The following ANO8 variants were observed in gnomAD, a reference collection of about 807,000 sequenced individuals.
ANO8 encodes the protein anoctamin 8.
In ANO8, 67 loss-of-function variants were observed where a neutral mutation model predicts 120.4. The ratio of observed to expected loss-of-function variants is 0.56; its 90% CI spans 0.46 to 0.68. ANO8 has a LOEUF of 0.68. Ranked by LOEUF, ANO8 falls within the 30% of genes least tolerant of loss-of-function variation. The pLI, the probability that ANO8 is intolerant of heterozygous loss-of-function variation, is 0.00. For missense variants in ANO8, 1,526 were observed against 1,737.6 expected (o/e 0.88, Z 2.16); for synonymous variants, 727 against 759.2 (o/e 0.96, Z 0.70).
In ANO8 at chr19:17,330,244, A is replaced by G; in HGVS notation, c.1154T>C (p.Val385Ala). ...ACGGGGCAACCCCTTCACGCTCAGC[A>G]CCAGCTCCTGCGGGAGAAGGGGGTT... The part of the protein sequence containing the change: ...MLGCFQLQEL[V>A]LSVKGLPRLA... The change falls in exon 10 of 18, where the codon GTG becomes GCG. Residue 385 changes from valine (V) to alanine (A), a missense_variant. By Grantham distance (64) the Val-to-Ala change is moderately conservative. Around this residue, in one of 8 missense-constraint regions of ANO8, gnomAD observed 91 missense variants for 85.3 expected, o/e 1.07. Transcript: ENST00000159087. The G allele has an allele frequency of 1.2e-6, 2 of 1,613,990 alleles. No homozygotes were observed.
chr19:17,329,910 G>C (rs747269776), intron 11 of ANO8, 49 bp downstream of exon 11: 2 of 1,613,848 alleles, frequency 1.2e-6, no homozygotes, highest in South Asian at 1.1e-5. Context: ...CCATACAGAC[G>C]GCACAGCTTC....
intron 17 of ANO8, 24 bp downstream of exon 17, chr19:17,324,693 C>T (rs1421079504): frequency 9.9e-6 from 15 of 1,515,476 alleles, no homozygotes; most frequent in Non-Finnish European, 1.3e-5. Flanking sequence ...CCGGCGTCCC[C>T]ACCCCCGAGT....
In ANO8 at chr19:17,334,583, G is replaced by T. The variant is rs1336987211; in HGVS notation, c.88C>A (p.Pro30Thr). The change falls in exon 1 of 18, where the codon CCG becomes ACG. Residue 30 changes from proline to threonine, a missense_variant. Around this residue, in one of 8 missense-constraint regions of ANO8, gnomAD observed 53 missense variants for 45.0 expected, o/e 1.18. Transcript: ENST00000159087. ...RPPPEGEPAA[P>T]ASGVLDKLFG... ...CACATACCCAGAACTCCGGACGCCG[G>T]GGCTGCAGGCTCGCCCTCCGGCGGG... is the stretch of plus-strand genomic sequence containing the variant. 6.4e-7 allele frequency: 1 copy of T among 1,552,938 alleles called. No individual in the cohort carries two copies. Among genetic ancestry groups the T allele is most frequent in the Admixed American group, 1.8e-5 (1 of 55,828 alleles).
rs747949254 is a variant in ANO8 at position 17,333,850 on chromosome 19, C to G, written c.107-50G>C. ...GGTCAGGCCACTCTGGGATCCGGAC[C>G]CGGCCTCCAGTCTTGGCTCCTCCTG... On this transcript the variant is annotated intron_variant, in intron 1 of 17. Coordinates refer to ENST00000159087, the MANE Select transcript of ANO8 (RefSeq NM_020959.3). The surrounding 1 kb of genome is among the most constrained non-coding windows in gnomAD (Gnocchi z 7.2). The G allele has an allele frequency of 4.0e-6, 6 of 1,495,842 alleles. No homozygotes were observed. The African/African-American group carries it at 8.4e-5, about 21-fold the overall frequency. 92.7% of individuals were successfully genotyped at this position (1,495,842 alleles called of 1,614,324 possible).
In ANO8 at chr19:17,330,254, G is replaced by C; in HGVS notation, c.1147-3C>G. On this transcript the variant is annotated splice_region_variant and splice_polypyrimidine_tract_variant and intron_variant, in intron 9 of 17. Transcript: ENST00000159087. ...CCCTTCACGCTCAGCACCAGCTCCT[G>C]CGGGAGAAGGGGGTTCAGGGCTCAT... 1 of 1,613,994 alleles carries C rather than the reference G, an allele frequency of 6.2e-7. No homozygotes were observed. The highest frequency in any genetic ancestry group is 8.5e-7 in the Non-Finnish European group (1 of 1,180,004).
chr19:17,328,648 G>C lies in ANO8; in HGVS notation c.1740C>G (p.Gly580=), dbSNP rs1409978625. ...GGEEGDGPPG[G]KEEDEDDEEE... is the part of the protein sequence containing the mutation. ...CCTCGTCGTCCTCGTCCTCCTCCTTGCCCCCTGGAGGCCCGTCCCCCTCCT... is the reference window on the plus strand; with the variant it reads ...CCTCGTCGTCCTCGTCCTCCTCCTTCCCCCCTGGAGGCCCGTCCCCCTCCT... Residue 580 remains glycine, a synonymous_variant, in exon 13 of 18, where the codon GGC becomes GGG. Transcript: ENST00000159087. 1.3e-6 allele frequency: 2 copies of C among 1,489,676 alleles called. No individual in the cohort carries two copies. Among genetic ancestry groups the C allele is most frequent in the Non-Finnish European group, 9.0e-7 (1 of 1,113,466 alleles). 92.3% of individuals were successfully genotyped at this position (1,489,676 alleles called of 1,614,324 possible). A position where few individuals can be genotyped will look rare whatever the true frequency, so the allele number is the denominator to read the frequency against.
chr19:17,328,743 C>A lies in ANO8; in HGVS notation c.1645G>T (p.Gly549Cys). The change falls in exon 13 of 18, where the codon GGC becomes TGC. Residue 549 changes from glycine (G) to cysteine (C), a missense_variant. Around this residue, in one of 8 missense-constraint regions of ANO8, gnomAD observed 467 missense variants for 425.8 expected, o/e 1.10. Coordinates refer to ENST00000159087, the MANE Select transcript of ANO8 (RefSeq NM_020959.3). ...TCCTCCTCCTCCGGCGCCCCGCAGC[C>A]CCCGCTGAGGCACCTGCGGCCCCCG... ...GGGGRRCLSG[G>C]CGAPEEEEEA... 2.2e-6 allele frequency: 3 copies of A among 1,352,262 alleles called. No homozygotes were observed. The South Asian group carries it at 5.5e-5, about 25-fold the overall frequency. 83.8% of individuals were successfully genotyped at this position (1,352,262 alleles called of 1,614,324 possible).
intron 16 of ANO8, 55 bp from the exon 17 acceptor site, chr19:17,325,441 C>G: frequency 6.6e-7 from 1 of 1,514,688 alleles, no homozygotes; most frequent in South Asian, 1.3e-5. Context: ...TTAGCGGGTG[C>G]CAGCTGAGGC....
At position 17,334,810 on chromosome 19, in the gene ANO8, C is replaced by A. The variant is rs1599553643; in HGVS notation, c.-140G>T. ...GCCCGCGCCGGCCTCGGTCCTCGCTCGCCCGAGCGCTGCTTCTCGTCCCCG... is the reference window on the plus strand; with the variant it reads ...GCCCGCGCCGGCCTCGGTCCTCGCTAGCCCGAGCGCTGCTTCTCGTCCCCG... On this transcript the variant is annotated 5_prime_UTR_variant, in exon 1 of 18. Coordinates refer to ENST00000159087, the MANE Select transcript of ANO8 (RefSeq NM_020959.3). 7.4e-6 allele frequency: 9 copies of A among 1,209,692 alleles called. No individual in the cohort carries two copies. In the East Asian group the frequency reaches 2.2e-4, roughly 30 times the overall value. The allele number at this position is 1,209,692 out of a possible 1,614,324, so 74.9% of individuals were successfully genotyped here.
rs1427050757 is a variant in ANO8 at position 17,331,405 on chromosome 19, T to C, written c.593A>G (p.Glu198Gly). The C allele has an allele frequency of 1.2e-6, 2 of 1,613,302 alleles. No individual in the cohort carries two copies. Among genetic ancestry groups the C allele is most frequent in the Non-Finnish European group, 1.7e-6 (2 of 1,179,926 alleles). The change falls in exon 6 of 18, where the codon GAG becomes GGG. Residue 198 changes from glutamate (E) to glycine (G), a missense_variant. Glu to Gly is a moderately conservative substitution (Grantham distance 98). Around this residue, in one of 8 missense-constraint regions of ANO8, gnomAD observed 322 missense variants for 431.8 expected, o/e 0.75. Transcript: ENST00000159087. ...CTGGATGATCCCACGTGCTGCCAGCTCCGGGACTGTGGAGGGAGGAGCACA... is the reference window on the plus strand; with the variant it reads ...CTGGATGATCCCACGTGCTGCCAGCCCCGGGACTGTGGAGGGAGGAGCACA... ...RFLEDQPIIP[E>G]LAARGIIQQV...
rs2145683941 is a variant in ANO8 at position 17,325,405 on chromosome 19, C to T, written c.2662-19G>A. The T allele has an allele frequency of 2.6e-6, 4 of 1,560,526 alleles. No homozygotes were observed. Among genetic ancestry groups the T allele is most frequent in the Non-Finnish European group, 3.5e-6 (4 of 1,159,052 alleles). On this transcript the variant is annotated intron_variant, in intron 16 of 17. Transcript: ENST00000159087. ...CGTGTCTCTGCAGGTAGAGCCAAGCCGTTACAGGACTAAGAAGAAAGGGTG... is the reference window on the plus strand; with the variant it reads ...CGTGTCTCTGCAGGTAGAGCCAAGCTGTTACAGGACTAAGAAGAAAGGGTG...
chr19:17,329,283 T>C (rs2074299393), intron 12 of ANO8: 2 of 384,148 alleles, frequency 5.2e-6, no homozygotes, highest in Non-Finnish European at 9.3e-6. Flanking sequence ...CGCCTGCACC[T>C]GCTTGCTGGC....
In ANO8 at chr19:17,323,311, CTGTGTGTGTGTGTGTGTGTG is replaced by C. The variant is rs58263758; in HGVS notation, c.*186_*205del. 1.5e-5 allele frequency: 5 copies of C among 327,486 alleles called. No homozygotes were observed. In the South Asian group the frequency reaches 4.6e-4, roughly 30 times the overall value. The allele number at this position is 327,486 out of a possible 1,614,324, so 20.3% of individuals were successfully genotyped here. A position where few individuals can be genotyped will look rare whatever the true frequency, so the allele number is the denominator to read the frequency against. On this transcript the variant is annotated 3_prime_UTR_variant, in exon 18 of 18. Coordinates refer to ENST00000159087, the MANE Select transcript of ANO8 (RefSeq NM_020959.3). ...AAAAACAAATAAATAATCGCCTGTT[CTGTGTGTGTGTGTGTGTGTG>C]TGTGTGTGTGTGTTTTCTGTTGGAT...
chr19:17,330,841 C>T lies in ANO8; in HGVS notation c.980G>A (p.Arg327His). 2 of 1,613,876 alleles carry T rather than the reference C, an allele frequency of 1.2e-6. No homozygotes were observed. The highest frequency in any genetic ancestry group is 1.7e-6 in the Non-Finnish European group (2 of 1,179,886). ...CCCCCAACTGACCCTGAACTGGGGG[C>T]GTGGCTCCTCCACGGCTTCCCCAGG... Reference protein sequence around the residue: ...DSPGEAVEEPRPQFRGVRRIS... With the variant: ...DSPGEAVEEPHPQFRGVRRIS... The change falls in exon 8 of 18, where the codon CGC (arginine) becomes CAC (histidine). Residue 327 changes from arginine to histidine, a missense_variant. By Grantham distance (29) the Arg-to-His change is conservative. This residue lies in a region of ANO8 where 322 missense variants were observed against 431.8 expected (regional missense o/e 0.75). Coordinates refer to ENST00000159087, the MANE Select transcript of ANO8 (RefSeq NM_020959.3).
Position 17,328,252 on chromosome 19 carries a change from C to A in ANO8, c.2136G>T (p.Gln712His). 1 of 1,611,406 alleles carries A rather than the reference C, an allele frequency of 6.2e-7. No individual in the cohort carries two copies. Among genetic ancestry groups the A allele is most frequent in the Non-Finnish European group, 8.5e-7 (1 of 1,178,920 alleles). The stretch of plus-strand genomic sequence containing the variant: ...GCGGGTCAATCCAAGACGACCGGTT[C>A]TGCCGTCTCTGCCTACGGGTCGAAT... ...NSDSTRRQRR[Q>H]NRSSWIDPPE... Residue 712 changes from glutamine to histidine, a missense_variant, in exon 13 of 18, where the codon CAG (glutamine) becomes CAT (histidine). Transcript: ENST00000159087.
chr19:17,328,876 G>A lies in ANO8; in HGVS notation c.1512C>T (p.Ala504=). ...GCAGGGCTCGGGCCAGCTCCCAGACGGCCCGCAGGCCCAGCTCGCCGCGGC... is the reference window on the plus strand; with the variant it reads ...GCAGGGCTCGGGCCAGCTCCCAGACAGCCCGCAGGCCCAGCTCGCCGCGGC... ...RLGRGELGLR[A]VWELARALLG... is the part of the protein sequence containing the mutation. Residue 504 remains alanine, a synonymous_variant, in exon 13 of 18, where the codon GCC becomes GCT. Transcript: ENST00000159087. 1.3e-6 allele frequency: 2 copies of A among 1,499,900 alleles called. No individual in the cohort carries two copies. Among genetic ancestry groups the A allele is most frequent in the Non-Finnish European group, 1.8e-6 (2 of 1,129,140 alleles). The allele number at this position is 1,499,900 out of a possible 1,614,324, so 92.9% of individuals were successfully genotyped here. A position where few individuals can be genotyped will look rare whatever the true frequency, so the allele number is the denominator to read the frequency against.
rs1322335469 is a variant in ANO8, at chr19:17,328,867, C to G, written c.1521G>C (p.Glu507Asp). 1.3e-6 allele frequency: 2 copies of G among 1,498,886 alleles called. No individual in the cohort carries two copies. The highest frequency in any genetic ancestry group is 1.2e-5 in the South Asian group (1 of 80,338). The allele number at this position is 1,498,886 out of a possible 1,614,324, so 92.8% of individuals were successfully genotyped here. A position where few individuals can be genotyped will look rare whatever the true frequency, so the allele number is the denominator to read the frequency against. ...RGELGLRAVW[E>D]LARALLGLLS... The stretch of plus-strand genomic sequence containing the variant: ...GGAGGCCAAGCAGGGCTCGGGCCAG[C>G]TCCCAGACGGCCCGCAGGCCCAGCT... The change falls in exon 13 of 18, where the codon GAG becomes GAC. Residue 507 changes from glutamate to aspartate, a missense_variant. By Grantham distance (45) the Glu-to-Asp change is conservative. Transcript: ENST00000159087.
Position 17,331,222 on chromosome 19 carries a change from G to C in ANO8, c.704-7C>G. ...AAGTAATCACAGATGTCATCTGCCA[G>C]GGGACAAGTGGGTCTCAGTCACCCC... On this transcript the variant is annotated splice_polypyrimidine_tract_variant and splice_region_variant and intron_variant, in intron 6 of 17. Coordinates refer to ENST00000159087, the MANE Select transcript of ANO8 (RefSeq NM_020959.3). 4 of 1,614,176 alleles carry C rather than the reference G, an allele frequency of 2.5e-6. No homozygotes were observed. The highest frequency in any genetic ancestry group is 3.4e-6 in the Non-Finnish European group (4 of 1,180,048).
At chr19:17,332,878 G>C (rs935513866) in intron 5 of ANO8, 52 bp downstream of exon 5, 1 of 1,601,092 alleles carries the variant, frequency 6.2e-7, no homozygotes, top group African/African-American at 1.3e-5. Flanking sequence ...TGTCTTTGAA[G>C]AGCTCCACCC....
Sources: allele counts gnomAD v4.1 joint callset, GRCh38; gene constraint gnomAD v4.1.1; regional missense constraint gnomAD v4.1.1; non-coding constraint Gnocchi (gnomAD v3.1); transcripts MANE v1.5; gene names NCBI Gene and HGNC (gene_info 2026-07-23, HGNC 2026-07-21).